The following HMCN1 variants were observed in gnomAD, a reference collection of about 807,000 sequenced individuals.
HMCN1 encodes hemicentin 1.
A neutral mutation model predicts 625.9 loss-of-function variants in HMCN1; 321 were observed. The ratio of observed to expected loss-of-function variants is 0.51; its 90% CI spans 0.47 to 0.56. The LOEUF (loss-of-function observed/expected upper bound fraction) is 0.56. HMCN1 is among the 20% of genes least tolerant of loss of function. The pLI, the probability that HMCN1 is intolerant of heterozygous loss-of-function variation, is 0.00. For synonymous variants in HMCN1, 2,425 were observed against 2,417.6 expected (o/e 1.00, Z -0.09); for missense variants, 6,588 against 6,887.3 (o/e 0.96, Z 1.54).
intron 4 of HMCN1, among the ~76,000 whole-genome samples, chr1:185,894,954 G>T (rs1199931761): frequency 6.6e-6 from 1 of 152,044 alleles, no homozygotes; most frequent in Non-Finnish European, 1.5e-5. Flanking sequence ...TAGCTTTGTG[G>T]AAATCTACTG....
At chr1:185,748,034 ATTTTTTTT>A (rs36021341) in intron 1 of HMCN1, among the ~76,000 whole-genome samples, 11 of 118,146 alleles carry the variant, frequency 9.3e-5, no homozygotes, top group South Asian at 2.8e-4. Context: ...GGTACTTAAA[ATTTTTTTT>A]TTTTTTTTTT....
chr1:185,761,064 G>A (rs1003011095), intron 1 of HMCN1, among the ~76,000 whole-genome samples: 3 of 152,074 alleles, frequency 2.0e-5, no homozygotes, highest in African/African-American at 7.2e-5. Context: ...CAAGGAGCTG[G>A]GAAAAGTTTC....
rs965523579 is a variant in HMCN1 at position 185,922,304 on chromosome 1, C to T, written c.901-75C>T. The T allele has an allele frequency of 3.3e-6, 5 of 1,538,258 alleles. No homozygotes were observed. In the East Asian group the frequency reaches 6.8e-5, roughly 21 times the overall value. Reference sequence around the variant, plus strand: ...TCCTAATTAAATATTGTGCAGTTTCCCATACTGGCGAGGGTTGCATATGAC... The same window carrying T: ...TCCTAATTAAATATTGTGCAGTTTCTCATACTGGCGAGGGTTGCATATGAC... On this transcript the variant is annotated intron_variant, in intron 6 of 106. Coordinates refer to ENST00000271588, the MANE Select transcript of HMCN1 (RefSeq NM_031935.3).
Position 185,770,633 on chromosome 1 carries a change from A to G in HMCN1, c.268+35586A>G, listed in dbSNP as rs1044747533. On this transcript the variant is annotated intron_variant, in intron 1 of 106. Coordinates refer to ENST00000271588, the MANE Select transcript of HMCN1 (RefSeq NM_031935.3). Reference sequence around the variant, plus strand: ...TAAATAGGGTGAGGGGCAGGGGAGAAGTAATGTCTCTTCAGCCCAATAAAC... The same window carrying G: ...TAAATAGGGTGAGGGGCAGGGGAGAGGTAATGTCTCTTCAGCCCAATAAAC... 3.9e-5 allele frequency among the ~76,000 whole-genome samples: 6 copies of G among 152,320 alleles called. 1 individual carries two copies. The highest frequency in any genetic ancestry group is 1.4e-4 in the African/African-American group (6 of 41,578).
At chr1:186,082,318 G>T (rs576521199) in intron 56 of HMCN1, among the ~76,000 whole-genome samples, 4 of 152,278 alleles carry the variant, frequency 2.6e-5, no homozygotes, top group African/African-American at 7.2e-5. Flanking sequence ...GATTCTTCCG[G>T]ATGTGGCCTT....
intron 22 of HMCN1, among the ~76,000 whole-genome samples, chr1:185,992,373 T>C (rs1010061003): frequency 3.9e-5 from 6 of 152,192 alleles, no homozygotes; most frequent in Non-Finnish European, 2.9e-5. Flanking sequence ...TCTAATATTT[T>C]AAGTTTTCTT....
intron 6 of HMCN1, among the ~76,000 whole-genome samples, chr1:185,912,654 T>C (rs981374471): frequency 6.6e-6 from 1 of 151,996 alleles, no homozygotes; most frequent in East Asian, 1.9e-4. Context: ...CAGGAAAAGG[T>C]TGTTCGGCTG....
Position 186,106,951 on chromosome 1 carries a change from T to C in HMCN1, c.10838T>C (p.Leu3613Pro), listed in dbSNP as rs1239329033. 6.2e-7 allele frequency: 1 copy of C among 1,606,658 alleles called. No individual in the cohort carries two copies. The highest frequency in any genetic ancestry group is 1.7e-5 in the Admixed American group (1 of 60,006). The change falls in exon 70 of 107, where the codon CTA (leucine) becomes CCA (proline). Residue 3613 changes from leucine (L) to proline (P), a missense_variant. By Grantham distance (98) the Leu-to-Pro change is moderately conservative (BLOSUM62 -3). Around this residue, in one of 3 missense-constraint regions of HMCN1, gnomAD observed 4,628 missense variants for 4,853.1 expected, o/e 0.95. Transcript: ENST00000271588. ...GCAGGAGATGATGATAAGGAATATC[T>C]AGTGAGAGTGCATGGTAAATTTGAC... ...SPAGDDDKEY[L>P]VRVHVPPNIA...
chr1:185,763,838 T>G (rs916937223), intron 1 of HMCN1, among the ~76,000 whole-genome samples: 2 of 152,178 alleles, frequency 1.3e-5, no homozygotes, highest in African/African-American at 2.4e-5. Context: ...GTTCTAAGTT[T>G]TATGTGCTAT....
chr1:186,073,176 G>T (rs1397750849), intron 52 of HMCN1, among the ~76,000 whole-genome samples: 1 of 152,088 alleles, frequency 6.6e-6, no homozygotes, highest in Non-Finnish European at 1.5e-5. Flanking sequence ...GGAGCGTAGT[G>T]TCCCAAAAGA....
At chr1:185,915,797 T>C (rs1035381971) in intron 6 of HMCN1, among the ~76,000 whole-genome samples, 2 of 152,124 alleles carry the variant, frequency 1.3e-5, no homozygotes, top group Non-Finnish European at 2.9e-5. Flanking sequence ...ATTATTATGC[T>C]GGCCTCCTAT....
At chr1:185,773,523 A>G (rs892681096) in intron 1 of HMCN1, among the ~76,000 whole-genome samples, 3 of 152,286 alleles carry the variant, frequency 2.0e-5, no homozygotes, top group Admixed American at 6.5e-5. Context: ...CAGCTTGAGG[A>G]TGAAGCCAAC....
At chr1:186,078,027 G>A in intron 54 of HMCN1, 80 bp from the exon 55 acceptor site, 1 of 1,020,208 alleles carries the variant, frequency 9.8e-7, no homozygotes, top group Non-Finnish European at 1.5e-6. Context: ...GCAGTCATTA[G>A]ACCTGAAAAT....
chr1:186,073,634 A>C (rs1571310272), intron 52 of HMCN1, among the ~76,000 whole-genome samples: 1 of 152,084 alleles, frequency 6.6e-6, no homozygotes, highest in Non-Finnish European at 1.5e-5. Flanking sequence ...AGGGGAGTAA[A>C]ATAAAGGGAG....
chr1:186,187,792 C>A, intron 105 of HMCN1, 91 bp from the exon 106 acceptor site: 9 of 1,544,830 alleles, frequency 5.8e-6, no homozygotes, highest in Non-Finnish European at 8.0e-6. Context: ...GGCTAGCCCT[C>A]CACATTCTAG....
chr1:185,842,957 T>C lies in HMCN1; in HGVS notation c.269-3069T>C, dbSNP rs1317657521. Reference sequence around the variant, plus strand: ...TCAGCATAAAATACGTTAGCAGTTATCTTCACCTCTTTCTTCACTACCAAA... The same window carrying C: ...TCAGCATAAAATACGTTAGCAGTTACCTTCACCTCTTTCTTCACTACCAAA... On this transcript the variant is annotated intron_variant, in intron 1 of 106. Transcript: ENST00000271588. Among the ~76,000 whole-genome samples the C allele has an allele frequency of 2.6e-5, 4 of 152,264 alleles. No individual in the cohort carries two copies. In the East Asian group the frequency reaches 7.7e-4, roughly 29 times the overall value.
chr1:186,135,464 CAT>C (rs1272588149), intron 86 of HMCN1, among the ~76,000 whole-genome samples: 2 of 152,164 alleles, frequency 1.3e-5, no homozygotes, highest in Non-Finnish European at 2.9e-5. Context: ...AAGACTCACA[CAT>C]ATATATTTCT....
At chr1:185,808,637 G>T (rs988294903) in intron 1 of HMCN1, among the ~76,000 whole-genome samples, 35 of 152,084 alleles carry the variant, frequency 2.3e-4, no homozygotes, top group African/African-American at 8.5e-4. Context: ...TCTTTTTGTG[G>T]CAATAAACCT....
Position 186,119,783 on chromosome 1 carries a change from G to C in HMCN1, c.11995G>C (p.Val3999Leu), listed in dbSNP as rs182664406. The change falls in exon 79 of 107, where the codon GTC (valine) becomes CTC (leucine). Residue 3999 changes from valine (V) to leucine (L), a missense_variant. By Grantham distance (32) the Val-to-Leu change is conservative. Coordinates refer to ENST00000271588, the MANE Select transcript of HMCN1 (RefSeq NM_031935.3). ...VIQPQPSELHVILNNPILLPC... is the reference protein window; with the variant it reads ...VIQPQPSELHLILNNPILLPC... The stretch of plus-strand genomic sequence containing the variant: ...TCAGCCCCAACCAAGTGAACTACAC[G>C]TCATTCTGAACAATCCTATTTTATT... 2 of 1,613,930 alleles carry C rather than the reference G, an allele frequency of 1.2e-6. No individual in the cohort carries two copies. The highest frequency in any genetic ancestry group is 1.7e-6 in the Non-Finnish European group (2 of 1,179,898).
Sources: gnomAD v4.1 joint callset for allele counts (sites outside exome capture counted in the v4.1 genomes callset) on GRCh38, gnomAD v4.1.1 for gene constraint, gnomAD v4.1.1 regional missense constraint, MANE v1.5 for transcripts, NCBI Gene and HGNC (gene_info 2026-07-23, HGNC 2026-07-21) for gene names.